CNKSR3: variants seen among roughly 807,000 people sequenced by gnomAD.
CNKSR3 encodes the protein connector enhancer of kinase suppressor of ras 3.
CNKSR3 carries 36 observed loss-of-function variants against 67.7 expected under a neutral mutation model. The ratio of observed to expected loss-of-function variants is 0.53; its 90% CI spans 0.41 to 0.70. The LOEUF is 0.70. CNKSR3 is among the 30% of genes least tolerant of loss of function. The pLI is 0.00. For missense variants in CNKSR3, 630 were observed against 695.2 expected (o/e 0.91, Z 1.05); for synonymous variants, 281 against 271.4 (o/e 1.04, Z -0.35).
intron 12 of CNKSR3, among the ~76,000 whole-genome samples, chr6:154,408,263 T>A (rs1784842976): frequency 6.6e-6 from 1 of 152,210 alleles, no homozygotes; most frequent in South Asian, 2.1e-4. Flanking sequence ...GACCTCGTGA[T>A]CCGCCTGCCT....
intron 1 of CNKSR3, among the ~76,000 whole-genome samples, chr6:154,491,319 C>G (rs1451259893): frequency 6.6e-6 from 1 of 152,194 alleles, no homozygotes; most frequent in Non-Finnish European, 1.5e-5. Context: ...CAGCCCCTGT[C>G]TTATTCACTG....
intron 1 of CNKSR3, among the ~76,000 whole-genome samples, chr6:154,504,447 G>C (rs913209746): frequency 2.6e-5 from 4 of 152,194 alleles, no homozygotes; most frequent in African/African-American, 9.6e-5. Flanking sequence ...ACAAGGAGTA[G>C]AAATGTATGG....
At chr6:154,494,518 C>T (rs78487145) in intron 1 of CNKSR3, among the ~76,000 whole-genome samples, 2,080 of 152,048 alleles carry the variant, frequency 0.014, 63 homozygotes, top group African/African-American at 0.048. Context: ...AAACAGAACA[C>T]GGAGAAAGGT....
intron 4 of CNKSR3, among the ~76,000 whole-genome samples, chr6:154,441,077 T>C (rs1785570850): frequency 6.6e-6 from 1 of 151,788 alleles, no homozygotes; most frequent in South Asian, 2.1e-4. Context: ...AAAAAGGTAA[T>C]CTTTAATTCA....
At chr6:154,412,733 T>C (rs1231292411) in intron 10 of CNKSR3, among the ~76,000 whole-genome samples, 1 of 152,108 alleles carries the variant, frequency 6.6e-6, no homozygotes, top group South Asian at 2.1e-4. Flanking sequence ...ATGAAGCAAA[T>C]ACCTCAGCTT....
At chr6:154,468,495 T>C (rs1786257710) in intron 1 of CNKSR3, among the ~76,000 whole-genome samples, 1 of 151,900 alleles carries the variant, frequency 6.6e-6, no homozygotes, top group Non-Finnish European at 1.5e-5. Context: ...CATACTGCCT[T>C]TTAAATTTTT....
At position 154,397,150 on chromosome 6, in the gene CNKSR3, C is replaced by T. The variant is rs1027376542; in HGVS notation, c.*9204G>A. The T allele has an allele frequency of 6.6e-6, 1 of 152,084 alleles. No homozygotes were observed. Among genetic ancestry groups the T allele is most frequent in the African/African-American group, 2.4e-5 (1 of 41,410 alleles). The allele number at this position is 152,084 out of a possible 1,614,324, so 9.4% of individuals were successfully genotyped here. On this transcript the variant is annotated 3_prime_UTR_variant, in exon 13 of 13. Transcript: ENST00000607772. ...ATTACCACCTACATGAAGTCTTATA[C>T]CCTGGCTTTGTATTTTATGTTGGCT...
intron 1 of CNKSR3, among the ~76,000 whole-genome samples, chr6:154,509,185 T>C (rs895996936): frequency 6.6e-6 from 1 of 152,132 alleles, no homozygotes; most frequent in African/African-American, 2.4e-5. Context: ...CTTTGTTCTC[T>C]TGAAAGTACA....
chr6:154,437,101 C>T (rs1454548349), intron 4 of CNKSR3, among the ~76,000 whole-genome samples: 1 of 151,996 alleles, frequency 6.6e-6, no homozygotes, highest in African/African-American at 2.4e-5. Context: ...GACAAGGACA[C>T]CAAGAATAAA....
At chr6:154,487,038 A>G (rs949932129) in intron 1 of CNKSR3, among the ~76,000 whole-genome samples, 1 of 151,752 alleles carries the variant, frequency 6.6e-6, no homozygotes, top group Non-Finnish European at 1.5e-5. Flanking sequence ...CAGCCTCCTG[A>G]GTAGCTGGGA....
intron 1 of CNKSR3, among the ~76,000 whole-genome samples, chr6:154,459,985 A>C (rs117081103): frequency 0.011 from 1,644 of 152,312 alleles, 7 homozygotes; most frequent in Non-Finnish European, 0.017. Flanking sequence ...ACGCTGCCTC[A>C]ACCCCAACCC....
chr6:154,465,433 A>AATAT (rs575387777), intron 1 of CNKSR3, among the ~76,000 whole-genome samples: 3 of 150,826 alleles, frequency 2.0e-5, no homozygotes, highest in Admixed American at 6.6e-5. Flanking sequence ...TCTAAGACTT[A>AATAT]ATATATATAT....
chr6:154,473,472 T>C (rs886975610), intron 1 of CNKSR3, among the ~76,000 whole-genome samples: 1 of 152,162 alleles, frequency 6.6e-6, no homozygotes, highest in Non-Finnish European at 1.5e-5. Context: ...GCCCAAGCTG[T>C]CTGAGTTCAC....
chr6:154,497,620 T>A, intron 1 of CNKSR3, among the ~76,000 whole-genome samples: 1 of 152,214 alleles, frequency 6.6e-6, no homozygotes, highest in East Asian at 1.9e-4. Flanking sequence ...TAATGAAGGT[T>A]TATCAAAATG....
At chr6:154,431,717 G>A (rs1479026581) in intron 5 of CNKSR3, among the ~76,000 whole-genome samples, 1 of 152,030 alleles carries the variant, frequency 6.6e-6, no homozygotes, top group East Asian at 1.9e-4. Flanking sequence ...TGTCTCTGTG[G>A]TTTTGATTTT....
intron 7 of CNKSR3, among the ~76,000 whole-genome samples, chr6:154,425,393 T>C (rs1158752019): frequency 6.6e-6 from 1 of 152,248 alleles, no homozygotes; most frequent in African/African-American, 2.4e-5. Context: ...AAGAGTTGTG[T>C]TTGGCAGAAC....
Position 154,404,207 on chromosome 6 carries a change from G to GT in CNKSR3, c.*2146dup, listed in dbSNP as rs377231720. On this transcript the variant is annotated 3_prime_UTR_variant, in exon 13 of 13. Coordinates refer to ENST00000607772, the MANE Select transcript of CNKSR3 (RefSeq NM_173515.4). ...TGAAATACCAGATCTTTTTCTTTTT[G>GT]TTTTTTTTTTGAGACAGAGTCTCCT... 623 of 148,174 alleles carry GT rather than the reference G, an allele frequency of 4.2e-3. 3 individuals are homozygous for GT. The highest frequency in any genetic ancestry group is 0.023 in the East Asian group (119 of 5,066). 9.2% of individuals were successfully genotyped at this position (148,174 alleles called of 1,614,324 possible).
chr6:154,437,410 C>CTTTTTTTTTTTT (rs10665656), intron 4 of CNKSR3, among the ~76,000 whole-genome samples: 1 of 102,144 alleles, frequency 9.8e-6, no homozygotes, highest in Non-Finnish European at 1.9e-5. Context: ...CACCTATGTT[C>CTTTTTTTTTTTT]TTTTTTTTTT....
chr6:154,396,421 A>G lies in CNKSR3; in HGVS notation c.*9933T>C, dbSNP rs555599733. On this transcript the variant is annotated 3_prime_UTR_variant, in exon 13 of 13. Transcript: ENST00000607772. Reference sequence around the variant, plus strand: ...AATGCTTTAATATATTAATAAAATTAAAACAATTTTCACAGAAAATTTTAA... The same window carrying G: ...AATGCTTTAATATATTAATAAAATTGAAACAATTTTCACAGAAAATTTTAA... The G allele has an allele frequency of 1.1e-4, 16 of 152,356 alleles. No homozygotes were observed. The South Asian group carries it at 1.9e-3, about 18-fold the overall frequency. The allele number at this position is 152,356 out of a possible 1,614,324, so 9.4% of individuals were successfully genotyped here.
Sources: allele counts gnomAD v4.1 joint callset (sites outside exome capture counted in the v4.1 genomes callset), GRCh38; gene constraint gnomAD v4.1.1; transcripts MANE v1.5; gene names NCBI Gene and HGNC (gene_info 2026-07-23, HGNC 2026-07-21).